SPP2: variants seen among roughly 807,000 people sequenced by gnomAD.
The protein encoded by SPP2 is secreted phosphoprotein 2, also known as secreted phosphoprotein 24.
A neutral mutation model predicts 28.8 loss-of-function variants in SPP2; 34 were observed. That is an observed-to-expected ratio of 1.18 (90% CI 0.90 to 1.57). SPP2 has a LOEUF of 1.57. SPP2 is among the 40% of genes most tolerant of loss of function. The probability of loss-of-function intolerance (pLI) is 0.00; values close to 1 mark genes in which losing one functional copy is unlikely to be tolerated. For synonymous variants in SPP2, 96 were observed against 89.4 expected, an observed-to-expected ratio of 1.07 and a Z score of -0.42; for missense variants, 269 against 263.9, an observed-to-expected ratio of 1.02 and a Z score of -0.13.
At chr2:234,069,700 G>A (rs1487319271) in intron 6 of SPP2, among the ~76,000 whole-genome samples, 3 of 152,144 alleles carry the variant, frequency 2.0e-5, no homozygotes, top group Non-Finnish European at 4.4e-5. Context: ...GTAGTAATAA[G>A]GAGTGGGGAG....
At chr2:234,075,328 C>T (rs1004146913) in intron 7 of SPP2, among the ~76,000 whole-genome samples, 3 of 152,244 alleles carry the variant, frequency 2.0e-5, no homozygotes, top group Admixed American at 6.5e-5. Flanking sequence ...CATTACTCTC[C>T]GTTGATCTCT....
At position 234,060,438 on chromosome 2, in the gene SPP2, A is replaced by C. The variant is rs150395122; in HGVS notation, c.403A>C (p.Ser135Arg). 1 of 1,613,602 alleles carries C rather than the reference A, an allele frequency of 6.2e-7. No individual in the cohort carries two copies. Among genetic ancestry groups the C allele is most frequent in the African/African-American group, 1.3e-5 (1 of 74,886 alleles). Residue 135 changes from serine (S) to arginine (R), a missense_variant, in exon 4 of 8, where the codon AGC (serine) becomes CGC (arginine). Physicochemically the swap from Ser to Arg is moderately radical, Grantham distance 110. Coordinates refer to ENST00000168148, the MANE Select transcript of SPP2 (RefSeq NM_006944.3). ...QQVQGVHARC[S>R]WSSSTSESYS... ...GGTGCAGGGCGTGCATGCTCGCTGC[A>C]GCTGGTCCTCCTCCACGTCTGAGTC... is the stretch of plus-strand genomic sequence containing the variant.
chr2:234,073,124 G>A (rs1270334422), intron 7 of SPP2, among the ~76,000 whole-genome samples: 1 of 152,192 alleles, frequency 6.6e-6, no homozygotes, highest in Non-Finnish European at 1.5e-5. Flanking sequence ...CTGACCTCAA[G>A]TGCTCCACCT....
intron 4 of SPP2, among the ~76,000 whole-genome samples, chr2:234,065,836 A>G (rs1693808502): frequency 6.6e-6 from 1 of 152,186 alleles, no homozygotes; most frequent in East Asian, 1.9e-4. Context: ...GTAGTCTTAC[A>G]TTAGGTCTAT....
Position 234,066,517 on chromosome 2 carries a change from G to A in SPP2, c.445-16G>A. 1 of 1,609,032 alleles carries A rather than the reference G, an allele frequency of 6.2e-7. No homozygotes were observed. The highest frequency in any genetic ancestry group is 8.5e-7 in the Non-Finnish European group (1 of 1,177,506). On this transcript the variant is annotated splice_polypyrimidine_tract_variant and intron_variant, in intron 4 of 7. Transcript: ENST00000168148. ...CTTTCATGTGCTGACACATCCTGAT[G>A]CCTGAATTTCTTTAGATGATTTTTG...
At chr2:234,059,056 T>G in intron 3 of SPP2, 98 bp downstream of exon 3, 1 of 1,427,900 alleles carries the variant, frequency 7.0e-7, no homozygotes, top group Non-Finnish European at 9.4e-7. Flanking sequence ...GCTGCCTGGC[T>G]AGCATCTGGC....
chr2:234,061,808 G>A (rs1693724695), intron 4 of SPP2, among the ~76,000 whole-genome samples: 1 of 152,176 alleles, frequency 6.6e-6, no homozygotes, highest in African/African-American at 2.4e-5. Context: ...AAGTTCAGTT[G>A]AGCACGGCCT....
rs373326007 is a variant in SPP2, at chr2:234,075,110, G to A, written c.*11-1735G>A. On this transcript the variant is annotated intron_variant, in intron 7 of 7. Transcript: ENST00000168148. ...CAGAGCGTTGCCTTGTTTGACCTCA[G>A]CTGGGAAGGTGTGGGTAGGTTGACT... Among the ~76,000 whole-genome samples the A allele has an allele frequency of 2.0e-5, 3 of 152,194 alleles. No individual in the cohort carries two copies. The East Asian group carries it at 5.8e-4, about 29-fold the overall frequency.
chr2:234,069,196 G>A (rs964160791), intron 6 of SPP2, among the ~76,000 whole-genome samples: 40 of 150,702 alleles, frequency 2.7e-4, no homozygotes, highest in Middle Eastern at 6.8e-3. Flanking sequence ...GAGAGAAAGA[G>A]AGAGAGAGAG....
intron 2 of SPP2, among the ~76,000 whole-genome samples, chr2:234,054,335 G>T (rs6739495): frequency 0.34 from 51,899 of 152,088 alleles, 9,167 homozygotes; most frequent in South Asian, 0.5. Flanking sequence ...TGTTTTAAGG[G>T]CAATGGGTAT....
rs576000445 is a variant in SPP2, at chr2:234,072,781, C to G, written c.*10+2758C>G. ...TGGAATCCACGGGCCTGGTTCTGAGCCTGCTCTCCCATCTGTAATGGTGAT... is the reference window on the plus strand; with the variant it reads ...TGGAATCCACGGGCCTGGTTCTGAGGCTGCTCTCCCATCTGTAATGGTGAT... On this transcript the variant is annotated intron_variant, in intron 7 of 7. Coordinates refer to ENST00000168148, the MANE Select transcript of SPP2 (RefSeq NM_006944.3). Among the ~76,000 whole-genome samples, 19 of 152,270 alleles carry G rather than the reference C, an allele frequency of 1.2e-4. No individual in the cohort carries two copies. The South Asian group carries it at 3.1e-3, about 25-fold the overall frequency.
At chr2:234,067,772 C>T (rs1416649986) in intron 6 of SPP2, among the ~76,000 whole-genome samples, 66 of 76,978 alleles carry the variant, frequency 8.6e-4, no homozygotes, top group African/African-American at 3.4e-3. Context: ...GGCCAGACTC[C>T]GTCTCAAAAA....
intron 2 of SPP2, 78 bp from the exon 3 acceptor site, chr2:234,058,758 G>A: frequency 6.8e-7 from 1 of 1,464,200 alleles, no homozygotes; most frequent in Non-Finnish European, 9.2e-7. Flanking sequence ...TTTTTCTTAT[G>A]GGGTAGAGAC....
chr2:234,053,597 G>A (rs372920538), intron 2 of SPP2, among the ~76,000 whole-genome samples: 1 of 151,716 alleles, frequency 6.6e-6, no homozygotes, highest in Non-Finnish European at 1.5e-5. Flanking sequence ...GTGCGGTCTC[G>A]GTGAAGAACC....
chr2:234,074,026 A>C (rs1019678320), intron 7 of SPP2, among the ~76,000 whole-genome samples: 2 of 152,186 alleles, frequency 1.3e-5, no homozygotes, highest in African/African-American at 4.8e-5. Flanking sequence ...CCTTGGAACA[A>C]TCAAATGAAG....
chr2:234,061,236 TTCCATACTAGACTGTATG>T (rs1343102138), intron 4 of SPP2, among the ~76,000 whole-genome samples: 2 of 152,202 alleles, frequency 1.3e-5, no homozygotes, highest in African/African-American at 4.8e-5. Context: ...ATTGGCTGCT[TTCCATACTAGACTGTATG>T]TCTCATGAGG....
intron 4 of SPP2, among the ~76,000 whole-genome samples, chr2:234,064,170 T>TTCCTCCCTTTCCTCCTCCCTCTCC (rs1693773889): frequency 6.9e-6 from 1 of 145,120 alleles, no homozygotes; most frequent in Non-Finnish European, 1.5e-5. Flanking sequence ...TCTCTCTCTC[T>TTCCTCCCTTTCCTCCTCCCTCTCC]TCCTCCCTTT....
intron 3 of SPP2, 94 bp from the exon 4 acceptor site, chr2:234,060,275 T>C: frequency 1.2e-6 from 1 of 862,664 alleles, no homozygotes; most frequent in Non-Finnish European, 1.9e-6. Flanking sequence ...TGTCATTTCG[T>C]CAAACCTGAC....
chr2:234,055,147 G>T (rs1352625807), intron 2 of SPP2, among the ~76,000 whole-genome samples: 2 of 152,006 alleles, frequency 1.3e-5, no homozygotes, highest in Non-Finnish European at 2.9e-5. Flanking sequence ...ATATATGAGA[G>T]AGAGACATTG....
Sources: allele counts gnomAD v4.1 joint callset (sites outside exome capture counted in the v4.1 genomes callset), GRCh38; gene constraint gnomAD v4.1.1; transcripts MANE v1.5; gene names NCBI Gene and HGNC (gene_info 2026-07-23, HGNC 2026-07-21).